Variants in CELF2 observed in about 807,000 individuals in gnomAD.
CELF2 encodes the protein CUG triplet repeat RNA-binding protein 2.
CELF2 carries 8 observed loss-of-function variants against 62.6 expected under a neutral mutation model. That is an observed-to-expected ratio of 0.13 (90% confidence interval 0.07 to 0.23). The LOEUF is 0.23. Among genes scored for constraint, CELF2 ranks in the 10% least tolerant of loss-of-function variants. The pLI is 1.00. For synonymous variants in CELF2, 258 were observed against 250.0 expected, an observed-to-expected ratio of 1.03 and a Z score of -0.30; for missense variants, 333 against 671.0, an observed-to-expected ratio of 0.50 and a Z score of 5.56.
chr10:10,496,054 A>G, the CELF2 span, among the ~76,000 whole-genome samples: 1 of 152,142 alleles, frequency 6.6e-6, no homozygotes. Flanking sequence ...GCATTGATTC[A>G]TTCTGTCCAT....
At chr10:11,119,288 G>GA (rs2057230481) in intron 1 of CELF2, among the ~76,000 whole-genome samples, 1 of 152,204 alleles carries the variant, frequency 6.6e-6, no homozygotes, top group Non-Finnish European at 1.5e-5. Flanking sequence ...AAATTCAGTA[G>GA]ATAGGCGTCC....
At chr10:11,240,069 G>A (rs1343743960) in intron 3 of CELF2, among the ~76,000 whole-genome samples, 2 of 152,122 alleles carry the variant, frequency 1.3e-5, no homozygotes, top group Non-Finnish European at 2.9e-5. Flanking sequence ...AGTTTTTTGT[G>A]TGCCTACTAT....
chr10:11,222,225 G>GGTGTTCATTTTCTT (rs1220228329), intron 3 of CELF2, among the ~76,000 whole-genome samples: 2 of 152,212 alleles, frequency 1.3e-5, no homozygotes, highest in African/African-American at 4.8e-5. Context: ...TGCATTTGGA[G>GGTGTTCATTTTCTT]GTGTTCATTT....
the CELF2 span, among the ~76,000 whole-genome samples, chr10:10,762,844 C>A: frequency 6.6e-6 from 1 of 152,174 alleles, no homozygotes; most frequent in South Asian, 2.1e-4. Context: ...GAGTTTGAGA[C>A]CAGCCTGGGC....
At chr10:10,501,361 T>C in the CELF2 span, among the ~76,000 whole-genome samples, 1 of 152,336 alleles carries the variant, frequency 6.6e-6, no homozygotes, top group Non-Finnish European at 1.5e-5. Context: ...TTGCTAATGA[T>C]GTTGAAAATA....
chr10:10,727,633 G>A, the CELF2 span, among the ~76,000 whole-genome samples: 4 of 151,930 alleles, frequency 2.6e-5, no homozygotes, highest in African/African-American at 7.3e-5. Flanking sequence ...AAAATTAGCC[G>A]GGCGTGCTGG....
intron 7 of CELF2, 49 bp from the exon 8 acceptor site, chr10:11,275,008 T>TTACTTTGCTCTCACCGTCTC (rs750012943): frequency 2.1e-5 from 33 of 1,555,950 alleles, no homozygotes; most frequent in Non-Finnish European, 1.3e-5. Context: ...AATGAGGGAG[T>TTACTTTGCTCTCACCGTCTC]TACTTTGCTC....
Position 10,997,631 on chromosome 10 carries a change from G to T in CELF2, c.89+77632G>T, listed in dbSNP as rs1021588938. On this transcript the variant is annotated intron_variant, in intron 2 of 13. Coordinates refer to the CELF2 transcript ENST00000636488. The surrounding 1 kb of genome is among the most constrained non-coding windows in gnomAD (Gnocchi z 5.3). Reference sequence around the variant, plus strand: ...CTGGCACTTTGAGCAGGAAGAAAGGGAGTTGCTTGTGCCTTTGCTTCCTCT... The same window carrying T: ...CTGGCACTTTGAGCAGGAAGAAAGGTAGTTGCTTGTGCCTTTGCTTCCTCT... 6.6e-6 allele frequency among the ~76,000 whole-genome samples: 1 copy of T among 152,198 alleles called. No homozygotes were observed. Among genetic ancestry groups the T allele is most frequent in the Admixed American group, 6.5e-5 (1 of 15,280 alleles).
At chr10:10,647,201 T>A in the CELF2 span, among the ~76,000 whole-genome samples, 1 of 152,110 alleles carries the variant, frequency 6.6e-6, no homozygotes, top group African/African-American at 2.4e-5. Flanking sequence ...TGTGTCAAAC[T>A]CCTGTTTCCC....
chr10:10,604,221 A>G, the CELF2 span, among the ~76,000 whole-genome samples: 4 of 152,196 alleles, frequency 2.6e-5, no homozygotes, highest in African/African-American at 9.7e-5. Context: ...CACAAACAAA[A>G]AAAGATTTAC....
chr10:10,587,509 G>A, the CELF2 span, among the ~76,000 whole-genome samples: 1 of 151,976 alleles, frequency 6.6e-6, no homozygotes, highest in Non-Finnish European at 1.5e-5. Context: ...TAACTCATCG[G>A]TCGTGGCAAA....
At chr10:10,760,000 G>A in the CELF2 span, among the ~76,000 whole-genome samples, 1 of 152,124 alleles carries the variant, frequency 6.6e-6, no homozygotes, top group Non-Finnish European at 1.5e-5. Context: ...CCGCCTTCCA[G>A]TTCAAGTGAT....
the CELF2 span, among the ~76,000 whole-genome samples, chr10:10,499,958 T>C: frequency 1.1e-4 from 16 of 151,330 alleles, no homozygotes. Flanking sequence ...TAGAGAGACA[T>C]ACATAAAGCA....
chr10:10,844,417 T>A (rs767707927), intron 1 of CELF2, among the ~76,000 whole-genome samples: 1 of 152,044 alleles, frequency 6.6e-6, no homozygotes, highest in Non-Finnish European at 1.5e-5. Flanking sequence ...TGCTGCCTTC[T>A]CCTGGAACAA....
the CELF2 span, among the ~76,000 whole-genome samples, chr10:10,482,032 T>C: frequency 3.3e-5 from 5 of 152,210 alleles, no homozygotes; most frequent in Non-Finnish European, 5.9e-5. Context: ...TAAGCAGATA[T>C]AAGGGTTAGC....
At chr10:11,256,849 T>C (rs977550419) in intron 4 of CELF2, among the ~76,000 whole-genome samples, 2 of 151,924 alleles carry the variant, frequency 1.3e-5, no homozygotes. Flanking sequence ...CAATGTCAGG[T>C]GCCCAGGTTA....
At chr10:11,026,970 A>T (rs890908526) in intron 1 of CELF2, among the ~76,000 whole-genome samples, 2 of 152,042 alleles carry the variant, frequency 1.3e-5, no homozygotes, top group East Asian at 1.9e-4. Context: ...AACTTTATGG[A>T]TGTCTTTGTC....
chr10:11,293,009 G>A (rs55711470), intron 9 of CELF2, among the ~76,000 whole-genome samples: 16,984 of 152,184 alleles, frequency 0.11, 998 homozygotes, highest in Middle Eastern at 0.2. Context: ...TGGCAACTGC[G>A]GTCTAGACTG....
At chr10:10,848,176 G>A (rs1051898009) in intron 1 of CELF2, among the ~76,000 whole-genome samples, 1 of 152,122 alleles carries the variant, frequency 6.6e-6, no homozygotes, top group East Asian at 1.9e-4. Context: ...TTTTAAACAA[G>A]TACATTTTAG....
Sources: gnomAD v4.1 joint callset for allele counts (sites outside exome capture counted in the v4.1 genomes callset) on GRCh38, gnomAD v4.1.1 for gene constraint, Gnocchi (gnomAD v3.1) non-coding constraint, MANE v1.5 for transcripts, NCBI Gene and HGNC (gene_info 2026-07-23, HGNC 2026-07-21) for gene names.